TSPYL4: variants seen among roughly 807,000 people sequenced by gnomAD.
TSPYL4 encodes testis-specific Y-encoded-like protein 4.
A neutral mutation model predicts 24.2 loss-of-function variants in TSPYL4; 22 were observed. The ratio of observed to expected loss-of-function variants is 0.91; its 90% confidence interval spans 0.65 to 1.30. TSPYL4 has a LOEUF of 1.30. Ranked by LOEUF, TSPYL4 falls within the 50% of genes most tolerant of loss-of-function variation. The pLI is 0.00. For synonymous variants in TSPYL4, 211 were observed against 208.2 expected (o/e 1.01, Z -0.12); for missense variants, 569 against 536.7 (o/e 1.06, Z -0.60).
chr6:116,253,548 G>C lies in TSPYL4; in HGVS notation c.461C>G (p.Thr154Ser). Residue 154 changes from threonine to serine, a missense_variant, in exon 1 of 1, where the codon ACT becomes AGT. By Grantham distance (58) the Thr-to-Ser change is moderately conservative. Transcript: ENST00000420283. This position sits in a 1 kb window ranked among gnomAD's most constrained non-coding sequence, Gnocchi z 4.3. The part of the protein sequence containing the change: ...IPGKKAKEVT[T>S]KKRAISAAVE... ...TGCTGCCGAGATGGCGCGTTTTTTA[G>C]TCGTCACTTCCTTGGCCTTCTTCCC... 3.2e-6 allele frequency: 5 copies of C among 1,551,714 alleles called. No homozygotes were observed. Among genetic ancestry groups the C allele is most frequent in the Non-Finnish European group, 4.4e-6 (5 of 1,147,024 alleles).
At position 116,253,874 on chromosome 6, in the gene TSPYL4, C is replaced by A. The variant is rs1255657210; in HGVS notation, c.135G>T (p.Val45=). The A allele has an allele frequency of 1.2e-6, 2 of 1,613,744 alleles. No homozygotes were observed. Among genetic ancestry groups the A allele is most frequent in the African/African-American group, 2.7e-5 (2 of 74,932 alleles). ...GGCTGCCCCCACCTGTGTTCGCCATCACCTGTGTCGCCTCGGTTTCTTCAC... is the reference window on the plus strand; with the variant it reads ...GGCTGCCCCCACCTGTGTTCGCCATAACCTGTGTCGCCTCGGTTTCTTCAC... ...GLREETEATQ[V]MANTGGGSLE... is the part of the protein sequence containing the mutation. The change falls in exon 1 of 1, where the codon GTG becomes GTT. Residue 45 remains valine, a synonymous_variant. Transcript: ENST00000420283. The surrounding 1 kb of genome is among the most constrained non-coding windows in gnomAD (Gnocchi z 4.3).
Position 116,253,888 on chromosome 6 carries a change from C to G in TSPYL4, c.121G>C (p.Glu41Gln), listed in dbSNP as rs375496363. Residue 41 changes from glutamate to glutamine, a missense_variant, in exon 1 of 1, where the codon GAG becomes CAG. Transcript: ENST00000420283. The surrounding 1 kb of genome is among the most constrained non-coding windows in gnomAD (Gnocchi z 4.3). ...GTGTTCGCCATCACCTGTGTCGCCT[C>G]GGTTTCTTCACGGAGCCCTTGGCAC... ...DQCQGLREET[E>Q]ATQVMANTGG... is the part of the protein sequence containing the mutation. The G allele has an allele frequency of 3.7e-6, 6 of 1,613,856 alleles. No individual in the cohort carries two copies. The highest frequency in any genetic ancestry group is 2.2e-5 in the South Asian group (2 of 91,048).
chr6:116,253,786 C>T lies in TSPYL4; in HGVS notation c.223G>A (p.Val75Ile), dbSNP rs752294732. The T allele has an allele frequency of 1.9e-6, 3 of 1,602,688 alleles. No individual in the cohort carries two copies. The highest frequency in any genetic ancestry group is 2.7e-5 in the African/African-American group (2 of 74,864). ...CCGCCGCGACTCCCGGCAACTGGGA[C>T]GCGGAGCGCGGGGCCACAGTCGACA... is the stretch of plus-strand genomic sequence containing the variant. ...DPVDCGPALR[V>I]PVAGSRGGAA... Residue 75 changes from valine to isoleucine, a missense_variant, in exon 1 of 1, where the codon GTC becomes ATC. Val to Ile is a conservative substitution (Grantham distance 29). Coordinates refer to ENST00000420283, the MANE Select transcript of TSPYL4 (RefSeq NM_021648.5). This position sits in a 1 kb window ranked among gnomAD's most constrained non-coding sequence, Gnocchi z 4.3.
Position 116,250,129 on chromosome 6 carries a change from A to G in TSPYL4, c.*2635T>C, listed in dbSNP as rs1220675674. Reference sequence around the variant, plus strand: ...GCTTAGGAACATAAATGTCAAGTACATTACTAGGGCAAGAAATATCAAGTA... The same window carrying G: ...GCTTAGGAACATAAATGTCAAGTACGTTACTAGGGCAAGAAATATCAAGTA... On this transcript the variant is annotated 3_prime_UTR_variant, in exon 1 of 1. Coordinates refer to ENST00000420283, the MANE Select transcript of TSPYL4 (RefSeq NM_021648.5). 2 of 152,224 alleles carry G rather than the reference A, an allele frequency of 1.3e-5. No individual in the cohort carries two copies. The highest frequency in any genetic ancestry group is 2.9e-5 in the Non-Finnish European group (2 of 68,038). The allele number at this position is 152,224 out of a possible 1,614,324, so 9.4% of individuals were successfully genotyped here.
rs200711366 is a variant in TSPYL4, at chr6:116,253,922, G to A, written c.87C>T (p.Asp29=). 1.9e-6 allele frequency: 3 copies of A among 1,613,490 alleles called. No individual in the cohort carries two copies. The highest frequency in any genetic ancestry group is 1.7e-5 in the Admixed American group (1 of 59,966). ...AAPDHASGDP[D]RDQCQGLREE... Reference sequence around the variant, plus strand: ...CACGGAGCCCTTGGCACTGGTCTCGGTCCGGATCTCCTGAGGCATGGTCGG... The same window carrying A: ...CACGGAGCCCTTGGCACTGGTCTCGATCCGGATCTCCTGAGGCATGGTCGG... Residue 29 remains aspartate, a synonymous_variant, in exon 1 of 1, where the codon GAC becomes GAT. Coordinates refer to ENST00000420283, the MANE Select transcript of TSPYL4 (RefSeq NM_021648.5). This position sits in a 1 kb window ranked among gnomAD's most constrained non-coding sequence, Gnocchi z 4.3.
At position 116,250,098 on chromosome 6, in the gene TSPYL4, T is replaced by TA. The variant is rs1771924425; in HGVS notation, c.*2665dup. On this transcript the variant is annotated 3_prime_UTR_variant, in exon 1 of 1. Coordinates refer to ENST00000420283, the MANE Select transcript of TSPYL4 (RefSeq NM_021648.5). Reference sequence around the variant, plus strand: ...TTGACAGAGAAATTCTACTGGTACTTACACTGCTTAGGAACATAAATGTCA... The same window carrying TA: ...TTGACAGAGAAATTCTACTGGTACTTAACACTGCTTAGGAACATAAATGTCA... 2 of 152,196 alleles carry TA rather than the reference T, an allele frequency of 1.3e-5. No individual in the cohort carries two copies. The highest frequency in any genetic ancestry group is 2.4e-5 in the African/African-American group (1 of 41,444). The allele number at this position is 152,196 out of a possible 1,614,324, so 9.4% of individuals were successfully genotyped here.
rs1771962459 is a variant in TSPYL4, at chr6:116,252,277, A to G, written c.*487T>C. On this transcript the variant is annotated 3_prime_UTR_variant, in exon 1 of 1. Transcript: ENST00000420283. The stretch of plus-strand genomic sequence containing the variant: ...AATTTGGGTTGATGGCCGGGTTAAG[A>G]TATCAGTTTTGTCTTGCAGTGGTAA... 6.5e-6 allele frequency: 1 copy of G among 154,864 alleles called. No individual in the cohort carries two copies. The highest frequency in any genetic ancestry group is 6.4e-5 in the Admixed American group (1 of 15,678). The allele number at this position is 154,864 out of a possible 1,614,324, so 9.6% of individuals were successfully genotyped here. A position where few individuals can be genotyped will look rare whatever the true frequency, so the allele number is the denominator to read the frequency against.
Position 116,252,840 on chromosome 6 carries a change from C to G in TSPYL4, c.1169G>C (p.Gly390Ala). The change falls in exon 1 of 1, where the codon GGG becomes GCG. Residue 390 changes from glycine to alanine, a missense_variant. Transcript: ENST00000420283. ...TGGGCCTCGAATTCCTCTACGGGGC[C>G]CTTCACCCATCAGGTAGTATTGTAG... is the stretch of plus-strand genomic sequence containing the variant. Reference protein sequence around the residue: ...NPLQYYLMGEGPRRGIRGPPR... With the variant: ...NPLQYYLMGEAPRRGIRGPPR... The G allele has an allele frequency of 6.2e-7, 1 of 1,600,126 alleles. No homozygotes were observed. Among genetic ancestry groups the G allele is most frequent in the Non-Finnish European group, 8.5e-7 (1 of 1,172,670 alleles).
Position 116,252,542 on chromosome 6 carries a change from C to A in TSPYL4, c.*222G>T. 1 of 569,836 alleles carries A rather than the reference C, an allele frequency of 1.8e-6. No homozygotes were observed. Among genetic ancestry groups the A allele is most frequent in the Non-Finnish European group, 3.0e-6 (1 of 328,648 alleles). 35.3% of individuals were successfully genotyped at this position (569,836 alleles called of 1,614,324 possible). A position where few individuals can be genotyped will look rare whatever the true frequency, so the allele number is the denominator to read the frequency against. On this transcript the variant is annotated 3_prime_UTR_variant, in exon 1 of 1. Coordinates refer to ENST00000420283, the MANE Select transcript of TSPYL4 (RefSeq NM_021648.5). ...GCCGTAGAAGGCCATGCACTTGAAA[C>A]ATGTTAACACAATGCAGAAAAGCAT...
chr6:116,253,793 C>G lies in TSPYL4; in HGVS notation c.216G>C (p.Ala72=). 6.2e-7 allele frequency: 1 copy of G among 1,603,954 alleles called. No individual in the cohort carries two copies. Among genetic ancestry groups the G allele is most frequent in the Non-Finnish European group, 8.5e-7 (1 of 1,174,746 alleles). Residue 72 remains alanine, a synonymous_variant, in exon 1 of 1, where the codon GCG becomes GCC. Coordinates refer to ENST00000420283, the MANE Select transcript of TSPYL4 (RefSeq NM_021648.5). The surrounding 1 kb of genome is among the most constrained non-coding windows in gnomAD (Gnocchi z 4.3). ...GACTCCCGGCAACTGGGACGCGGAGCGCGGGGCCACAGTCGACAGGATCCT... is the reference window on the plus strand; with the variant it reads ...GACTCCCGGCAACTGGGACGCGGAGGGCGGGGCCACAGTCGACAGGATCCT... ...ASQDPVDCGP[A]LRVPVAGSRG...
In TSPYL4 at chr6:116,252,818, G is replaced by A. The variant is rs1237640147; in HGVS notation, c.1191C>T (p.Gly397=). 3 of 1,597,568 alleles carry A rather than the reference G, an allele frequency of 1.9e-6. No homozygotes were observed. Among genetic ancestry groups the A allele is most frequent in the African/African-American group, 1.3e-5 (1 of 74,750 alleles). The part of the protein sequence containing the change: ...MGEGPRRGIR[G]PPRQPVESAR... ...CGCTCTCCACTGGCTGCCTTGGTGG[G>A]CCTCGAATTCCTCTACGGGGCCCTT... The change falls in exon 1 of 1, where the codon GGC becomes GGT. Residue 397 remains glycine (G), a synonymous_variant. Transcript: ENST00000420283.
rs1426493141 is a variant in TSPYL4, at chr6:116,253,444, C to A, written c.565G>T (p.Val189Leu). The change falls in exon 1 of 1, where the codon GTG becomes TTG. Residue 189 changes from valine to leucine, a missense_variant. Coordinates refer to ENST00000420283, the MANE Select transcript of TSPYL4 (RefSeq NM_021648.5). The surrounding 1 kb of genome is among the most constrained non-coding windows in gnomAD (Gnocchi z 4.3). ...GCCCTGGGCCGTGTCTCCTCTTTCA[C>A]CCCTCCTGCCACCTTTTTTTCCTTC... ...VQKEKKVAGG[V>L]KEETRPRAPK... is the part of the protein sequence containing the mutation. The A allele has an allele frequency of 6.4e-7, 1 of 1,551,768 alleles. No homozygotes were observed. Among genetic ancestry groups the A allele is most frequent in the Non-Finnish European group, 8.7e-7 (1 of 1,147,004 alleles).
chr6:116,253,407 T>C lies in TSPYL4; in HGVS notation c.602A>G (p.Asn201Ser), dbSNP rs1159645396. Reference protein sequence around the residue: ...EETRPRAPKINNCMDSLEAID... With the variant: ...EETRPRAPKISNCMDSLEAID... ...GGCCTCCAGTGAGTCCATGCAGTTA[T>C]TGATCTTCGGGGCCCTGGGCCGTGT... Residue 201 changes from asparagine to serine, a missense_variant, in exon 1 of 1, where the codon AAT becomes AGT. Physicochemically the swap from Asn to Ser is conservative, Grantham distance 46. Transcript: ENST00000420283. The surrounding 1 kb of genome is among the most constrained non-coding windows in gnomAD (Gnocchi z 4.3). 1.9e-6 allele frequency: 3 copies of C among 1,551,826 alleles called. No individual in the cohort carries two copies. The highest frequency in any genetic ancestry group is 2.6e-6 in the Non-Finnish European group (3 of 1,147,056).
chr6:116,253,871 C>T lies in TSPYL4; in HGVS notation c.138G>A (p.Met46Ile), dbSNP rs1582895011. The change falls in exon 1 of 1, where the codon ATG becomes ATA. Residue 46 changes from methionine (M) to isoleucine (I), a missense_variant. Met to Ile is a conservative substitution (Grantham distance 10, BLOSUM62 1). Transcript: ENST00000420283. This position sits in a 1 kb window ranked among gnomAD's most constrained non-coding sequence, Gnocchi z 4.3. ...LREETEATQV[M>I]ANTGGGSLET... ...CCAGGCTGCCCCCACCTGTGTTCGCCATCACCTGTGTCGCCTCGGTTTCTT... is the reference window on the plus strand; with the variant it reads ...CCAGGCTGCCCCCACCTGTGTTCGCTATCACCTGTGTCGCCTCGGTTTCTT... 1 of 1,613,834 alleles carries T rather than the reference C, an allele frequency of 6.2e-7. No homozygotes were observed. Among genetic ancestry groups the T allele is most frequent in the East Asian group, 2.2e-5 (1 of 44,882 alleles).
rs1172941716 is a variant in TSPYL4, at chr6:116,252,702, A to C, written c.*62T>G. 1 of 1,472,580 alleles carries C rather than the reference A, an allele frequency of 6.8e-7. No homozygotes were observed. Among genetic ancestry groups the C allele is most frequent in the East Asian group, 2.4e-5 (1 of 40,940 alleles). The allele number at this position is 1,472,580 out of a possible 1,614,324, so 91.2% of individuals were successfully genotyped here. On this transcript the variant is annotated 3_prime_UTR_variant, in exon 1 of 1. Transcript: ENST00000420283. Reference sequence around the variant, plus strand: ...GATGGAAGACTGCATGCTGTTGGCCAAGCATAGGTCCAAGAGGAGGTGGTA... The same window carrying C: ...GATGGAAGACTGCATGCTGTTGGCCCAGCATAGGTCCAAGAGGAGGTGGTA...
At position 116,253,673 on chromosome 6, in the gene TSPYL4, G is replaced by A. The variant is rs1268370106; in HGVS notation, c.336C>T (p.Ser112=). The A allele has an allele frequency of 1.5e-5, 23 of 1,556,808 alleles. No individual in the cohort carries two copies. Among genetic ancestry groups the A allele is most frequent in the East Asian group, 2.4e-5 (1 of 41,618 alleles). ...CTCCAAGCTGACAGCCATTTTTCTGGCTGCTGTCAGCAGCCTCGGCGGCAG... is the reference window on the plus strand; with the variant it reads ...CTCCAAGCTGACAGCCATTTTTCTGACTGCTGTCAGCAGCCTCGGCGGCAG... The part of the protein sequence containing the change: ...AASAAEAADS[S]QKNGCQLGEP... The change falls in exon 1 of 1, where the codon AGC becomes AGT. Residue 112 remains serine (S), a synonymous_variant. Transcript: ENST00000420283. The surrounding 1 kb of genome is among the most constrained non-coding windows in gnomAD (Gnocchi z 4.3).
In TSPYL4 at chr6:116,250,985, G is replaced by A. The variant is rs942188997; in HGVS notation, c.*1779C>T. On this transcript the variant is annotated 3_prime_UTR_variant, in exon 1 of 1. Transcript: ENST00000420283. ...CCCCTTATCCCCTACAAGGAGGCTG[G>A]AGATCTTCCACAATGCAGGCTGCAG... 7.7e-6 allele frequency: 3 copies of A among 388,808 alleles called. No individual in the cohort carries two copies. The highest frequency in any genetic ancestry group is 1.4e-5 in the Non-Finnish European group (3 of 220,616). The allele number at this position is 388,808 out of a possible 1,614,324, so 24.1% of individuals were successfully genotyped here. A position where few individuals can be genotyped will look rare whatever the true frequency, so the allele number is the denominator to read the frequency against.
In TSPYL4 at chr6:116,252,765, T is replaced by C; in HGVS notation, c.1244A>G (p.Ter415=). Residue 415 remains the stop codon, a stop_retained_variant, in exon 1 of 1, where the codon TAA becomes TGA. Transcript: ENST00000420283. Reference sequence around the variant, plus strand: ...CAGAAGCTTCTCACAGGACAGAGATTAGCCAGACTGGAACCTGAAGGATCT... The same window carrying C: ...CAGAAGCTTCTCACAGGACAGAGATCAGCCAGACTGGAACCTGAAGGATCT... ...SARSFRFQSG[*] is the part of the protein sequence containing the mutation. The C allele has an allele frequency of 1.3e-6, 2 of 1,589,252 alleles. No individual in the cohort carries two copies. The highest frequency in any genetic ancestry group is 2.3e-5 in the South Asian group (2 of 87,396).
Position 116,253,412 on chromosome 6 carries a change from C to T in TSPYL4, c.597G>A (p.Lys199=). 1 of 1,551,874 alleles carries T rather than the reference C, an allele frequency of 6.4e-7. No individual in the cohort carries two copies. Among genetic ancestry groups the T allele is most frequent in the Non-Finnish European group, 8.7e-7 (1 of 1,147,036 alleles). The change falls in exon 1 of 1, where the codon AAG becomes AAA. Residue 199 remains lysine, a synonymous_variant. Transcript: ENST00000420283. The surrounding 1 kb of genome is among the most constrained non-coding windows in gnomAD (Gnocchi z 4.3). ...CCAGTGAGTCCATGCAGTTATTGAT[C>T]TTCGGGGCCCTGGGCCGTGTCTCCT... ...VKEETRPRAP[K]INNCMDSLEA...
Sources: allele counts gnomAD v4.1 joint callset, GRCh38; gene constraint gnomAD v4.1.1; non-coding constraint Gnocchi (gnomAD v3.1); transcripts MANE v1.5; gene names NCBI Gene and HGNC (gene_info 2026-07-23, HGNC 2026-07-21).